PTPRN2: variants seen among roughly 807,000 people sequenced by gnomAD.
PTPRN2 encodes the protein receptor-type tyrosine-protein phosphatase N2.
In PTPRN2, 74 loss-of-function variants were observed where a neutral mutation model predicts 118.8. The ratio of observed to expected loss-of-function variants is 0.62; its 90% CI spans 0.52 to 0.76. The LOEUF (loss-of-function observed/expected upper bound fraction) is 0.76, where lower values mean the gene tolerates loss of function less well. Ranked by LOEUF, PTPRN2 falls within the 30% of genes least tolerant of loss-of-function variation. The probability of loss-of-function intolerance (pLI) is 0.00; values close to 1 mark genes in which losing one functional copy is unlikely to be tolerated. For synonymous variants in PTPRN2, 641 were observed against 608.0 expected, an observed-to-expected ratio of 1.05 and a Z score of -0.80; for missense variants, 1,481 against 1,394.4, an observed-to-expected ratio of 1.06 and a Z score of -0.99.
intron 2 of PTPRN2, among the ~76,000 whole-genome samples, chr7:158,478,434 G>A (rs990490178): frequency 1.3e-5 from 2 of 152,236 alleles, no homozygotes; most frequent in Admixed American, 6.5e-5. Context: ...GGGAAAGGAA[G>A]GCTCAGCACG....
intron 11 of PTPRN2, among the ~76,000 whole-genome samples, chr7:157,976,701 A>G (rs948417690): frequency 2.6e-5 from 4 of 151,908 alleles, no homozygotes; most frequent in African/African-American, 4.8e-5. Flanking sequence ...CTTGTGCCGC[A>G]GATTGGGGTA....
chr7:158,059,072 T>C lies in PTPRN2; in HGVS notation c.1723+22226A>G, dbSNP rs1175377896. Among the ~76,000 whole-genome samples the C allele has an allele frequency of 4.2e-5, 5 of 119,010 alleles. 1 individual carries two copies. The East Asian group carries it at 8.2e-4, about 19-fold the overall frequency. 78.1% of individuals were successfully genotyped at this position (119,010 alleles called of 152,430 possible). On this transcript the variant is annotated intron_variant, in intron 11 of 22. Transcript: ENST00000389418. ...CACTCCATCTGCCCACGGTGACACATCACTGCAGCCACACTCCATCTGCCC... is the reference window on the plus strand; with the variant it reads ...CACTCCATCTGCCCACGGTGACACACCACTGCAGCCACACTCCATCTGCCC...
At chr7:157,956,432 G>A (rs1801192004) in intron 11 of PTPRN2, among the ~76,000 whole-genome samples, 1 of 152,246 alleles carries the variant, frequency 6.6e-6, no homozygotes, top group Non-Finnish European at 1.5e-5. Context: ...GACTCTACCA[G>A]AAGAGGCTGG....
chr7:158,312,054 T>G (rs1345921462), intron 3 of PTPRN2, among the ~76,000 whole-genome samples: 2 of 85,946 alleles, frequency 2.3e-5, no homozygotes, highest in East Asian at 7.4e-4. Flanking sequence ...TGCACACACG[T>G]GCTCACATGT....
At chr7:158,316,698 C>A in intron 3 of PTPRN2, 121 bp downstream of exon 3, 1 of 724,606 alleles carries the variant, frequency 1.4e-6, no homozygotes, top group South Asian at 1.9e-5. Context: ...CCACCTGCCC[C>A]TTCCACCACC....
In PTPRN2 at chr7:158,567,377, G is replaced by A. The variant is rs564037244; in HGVS notation, c.112+20181C>T. On this transcript the variant is annotated intron_variant, in intron 1 of 22. Coordinates refer to ENST00000389418, the MANE Select transcript of PTPRN2 (RefSeq NM_002847.5). ...GCCTGACGAGGCCAGCCGTGCCTGC[G>A]ATTGCATTTTCCACTCTCCAAACAG... Among the ~76,000 whole-genome samples, 16 of 152,292 alleles carry A rather than the reference G, an allele frequency of 1.1e-4. No homozygotes were observed. In the South Asian group the frequency reaches 2.5e-3, roughly 24 times the overall value.
rs189822341 is a variant in PTPRN2, at chr7:157,588,384, C to T, written c.2496+6854G>A. Among the ~76,000 whole-genome samples the T allele has an allele frequency of 4.5e-3, 679 of 152,320 alleles. 2 individuals carry two copies. Among genetic ancestry groups the T allele is most frequent in the African/African-American group, 0.015 (628 of 41,568 alleles). On this transcript the variant is annotated intron_variant, in intron 17 of 22. Coordinates refer to ENST00000389418, the MANE Select transcript of PTPRN2 (RefSeq NM_002847.5). ...TGGTCCGTGATGGAATATCGATGCCCGCGGCCCCTCCCCTGCCTCCCCGGC... is the reference window on the plus strand; with the variant it reads ...TGGTCCGTGATGGAATATCGATGCCTGCGGCCCCTCCCCTGCCTCCCCGGC...
chr7:157,552,975 C>T (rs909054960), intron 21 of PTPRN2, among the ~76,000 whole-genome samples: 1 of 152,244 alleles, frequency 6.6e-6, no homozygotes, highest in African/African-American at 2.4e-5. Context: ...CGTGAGCAAA[C>T]TCTTCTGGGA....
chr7:158,287,790 C>T (rs1799860552), intron 3 of PTPRN2, among the ~76,000 whole-genome samples: 1 of 152,040 alleles, frequency 6.6e-6, no homozygotes, highest in Admixed American at 6.5e-5. Flanking sequence ...GTATTTGCTA[C>T]CATTATATGG....
intron 2 of PTPRN2, among the ~76,000 whole-genome samples, chr7:158,407,130 G>GGTCCTGC (rs1563254067): frequency 2.1e-5 from 3 of 146,124 alleles, no homozygotes; most frequent in African/African-American, 5.0e-5. Context: ...CTGGGTCCTG[G>GGTCCTGC]GTCCTGCGTC....
intron 5 of PTPRN2, among the ~76,000 whole-genome samples, chr7:158,187,560 G>A (rs1325940316): frequency 6.6e-6 from 1 of 152,156 alleles, no homozygotes; most frequent in East Asian, 1.9e-4. Flanking sequence ...TTGTTCATTA[G>A]CAAGATGACT....
chr7:158,562,269 G>A (rs961148274), intron 1 of PTPRN2, among the ~76,000 whole-genome samples: 8 of 152,262 alleles, frequency 5.3e-5, no homozygotes, highest in East Asian at 1.9e-4. Flanking sequence ...TGAAGGGGGC[G>A]AGGAAGCTCT....
rs1244086402 is a variant in PTPRN2, at chr7:157,611,066, G to A, written c.2345-6991C>T. 2.0e-5 allele frequency among the ~76,000 whole-genome samples: 3 copies of A among 152,194 alleles called. No homozygotes were observed. In the East Asian group the frequency reaches 5.8e-4, roughly 29 times the overall value. On this transcript the variant is annotated intron_variant, in intron 15 of 22. Transcript: ENST00000389418. This position sits in a 1 kb window ranked among gnomAD's most constrained non-coding sequence, Gnocchi z 5.9. ...CCACTCAGGAGGCACGCTGCCCACC[G>A]CTGAGCTGAATAACCGAGCGCGAGG... is the stretch of plus-strand genomic sequence containing the variant.
intron 1 of PTPRN2, among the ~76,000 whole-genome samples, chr7:158,520,260 G>T (rs922012444): frequency 1.3e-5 from 2 of 152,186 alleles, no homozygotes; most frequent in Non-Finnish European, 2.9e-5. Context: ...TGGCAGCCTG[G>T]GTCTCACACC....
chr7:157,634,608 A>G (rs1357380374), intron 14 of PTPRN2, among the ~76,000 whole-genome samples: 1 of 152,162 alleles, frequency 6.6e-6, no homozygotes, highest in Non-Finnish European at 1.5e-5. Flanking sequence ...GCGACCGGGC[A>G]TGGTCCTGGG....
At chr7:158,314,584 G>T (rs531757291) in intron 3 of PTPRN2, among the ~76,000 whole-genome samples, 1 of 152,266 alleles carries the variant, frequency 6.6e-6, no homozygotes, top group African/African-American at 2.4e-5. Context: ...AGCCGCCCTG[G>T]AGGCTCCCGT....
rs111696000 is a variant in PTPRN2 at position 157,597,470 on chromosome 7, ATGTG to A, written c.2419-2159_2419-2156del. ...AAGGAAAGCCCCGCCTCCTTCTGAA[ATGTG>A]TGTGTGTGTGTTTTTTTTTTTGCCC... On this transcript the variant is annotated intron_variant, in intron 16 of 22. Coordinates refer to ENST00000389418, the MANE Select transcript of PTPRN2 (RefSeq NM_002847.5). Among the ~76,000 whole-genome samples, 5 of 123,992 alleles carry A rather than the reference ATGTG, an allele frequency of 4.0e-5. No individual in the cohort carries two copies. The East Asian group carries it at 8.9e-4, about 22-fold the overall frequency. The allele number at this position is 123,992 out of a possible 152,430, so 81.3% of individuals were successfully genotyped here.
chr7:158,281,104 G>C (rs1249044722), intron 3 of PTPRN2, among the ~76,000 whole-genome samples: 2 of 152,178 alleles, frequency 1.3e-5, no homozygotes, highest in African/African-American at 4.8e-5. Flanking sequence ...AGGAGTTCAA[G>C]ACCAGCCTGA....
At chr7:158,479,365 C>T (rs1053192915) in intron 2 of PTPRN2, among the ~76,000 whole-genome samples, 1 of 152,108 alleles carries the variant, frequency 6.6e-6, no homozygotes, top group Non-Finnish European at 1.5e-5. Context: ...CTCTCTCCTC[C>T]GCTCTTCTTT....
Sources: allele counts gnomAD v4.1 joint callset (sites outside exome capture counted in the v4.1 genomes callset), GRCh38; gene constraint gnomAD v4.1.1; non-coding constraint Gnocchi (gnomAD v3.1); transcripts MANE v1.5; gene names NCBI Gene and HGNC (gene_info 2026-07-23, HGNC 2026-07-21).